The following KLF3 variants were observed in gnomAD, a reference collection of about 807,000 sequenced individuals.
KLF3 encodes Krueppel-like factor 3.
In KLF3, 6 loss-of-function variants were observed where a neutral mutation model predicts 32.7. The observed-to-expected ratio is 0.18, with a 90% CI of 0.10 to 0.36. The LOEUF is 0.36. Ranked by LOEUF, KLF3 falls within the 10% of genes least tolerant of loss-of-function variation. The pLI is 1.00. For missense variants in KLF3, 338 were observed against 449.7 expected (o/e 0.75, Z 2.25); for synonymous variants, 145 against 172.8 (o/e 0.84, Z 1.26).
chr4:38,685,744 C>T (rs1169278326), intron 2 of KLF3, among the ~76,000 whole-genome samples: 1 of 152,170 alleles, frequency 6.6e-6, no homozygotes, highest in Non-Finnish European at 1.5e-5. Flanking sequence ...AATGCTGCCT[C>T]CCATTTCCTA....
intron 4 of KLF3, among the ~76,000 whole-genome samples, chr4:38,692,641 G>GTGC: frequency 6.6e-6 from 1 of 152,276 alleles, no homozygotes; most frequent in East Asian, 1.9e-4. Flanking sequence ...GAGACTGTCA[G>GTGC]TGACAGAGCT....
chr4:38,695,230 C>G (rs535281187), intron 5 of KLF3, among the ~76,000 whole-genome samples: 2 of 152,336 alleles, frequency 1.3e-5, no homozygotes, highest in South Asian at 4.1e-4. Flanking sequence ...AGGATGTGGC[C>G]TTCCTGTGAG....
chr4:38,680,720 T>C, intron 2 of KLF3, 38 bp downstream of exon 2: 1 of 1,479,862 alleles, frequency 6.8e-7, no homozygotes, highest in Non-Finnish European at 9.4e-7. Flanking sequence ...CCTTATTTTT[T>C]CCAAGTGATG....
At chr4:38,678,808 C>T (rs1722428882) in intron 1 of KLF3, among the ~76,000 whole-genome samples, 1 of 152,206 alleles carries the variant, frequency 6.6e-6, no homozygotes, top group African/African-American at 2.4e-5. Flanking sequence ...CACTCTAGAA[C>T]TTGTTCACTT....
In KLF3 at chr4:38,680,572, T is replaced by C. The variant is rs368878079; in HGVS notation, c.-39-15T>C. The C allele has an allele frequency of 7.0e-4, 910 of 1,300,910 alleles. 3 individuals carry two copies. In the African/African-American group the frequency reaches 0.012, roughly 18 times the overall value. 80.6% of individuals were successfully genotyped at this position (1,300,910 alleles called of 1,614,324 possible). A position where few individuals can be genotyped will look rare whatever the true frequency, so the allele number is the denominator to read the frequency against. ...AACCTTGAGACTTAGATGGATACCT[T>C]GTTTTGTTTTCTAGGCCAAACACCA... On this transcript the variant is annotated splice_polypyrimidine_tract_variant and intron_variant, in intron 1 of 5. Coordinates refer to ENST00000261438, the MANE Select transcript of KLF3 (RefSeq NM_016531.6).
At chr4:38,686,937 G>A (rs1461196905) in intron 2 of KLF3, among the ~76,000 whole-genome samples, 2 of 152,204 alleles carry the variant, frequency 1.3e-5, no homozygotes, top group South Asian at 2.1e-4. Context: ...ATAACCAGCC[G>A]AGGATTCGCC....
At chr4:38,667,039 A>C (rs1316654420) in intron 1 of KLF3, among the ~76,000 whole-genome samples, 1 of 152,188 alleles carries the variant, frequency 6.6e-6, no homozygotes, top group East Asian at 1.9e-4. Flanking sequence ...ATATGATAAA[A>C]TCACATTTCA....
chr4:38,675,814 C>G (rs1282168082), intron 1 of KLF3, among the ~76,000 whole-genome samples: 1 of 152,166 alleles, frequency 6.6e-6, no homozygotes, highest in Non-Finnish European at 1.5e-5. Context: ...GTAATAACCC[C>G]AGTGCACTGA....
Position 38,674,926 on chromosome 4 carries a change from AC to A in KLF3, c.-39-5656del, listed in dbSNP as rs1460255497. 1.3e-5 allele frequency among the ~76,000 whole-genome samples: 2 copies of A among 151,932 alleles called. No individual in the cohort carries two copies. Among genetic ancestry groups the A allele is most frequent in the African/African-American group, 4.8e-5 (2 of 41,328 alleles). ...AGCTGCTTTCAGAGGAGGTTTAGTA[AC>A]CCCCTAACCTCGTCTTCCATGAAGG... On this transcript the variant is annotated intron_variant, in intron 1 of 5. Coordinates refer to ENST00000261438, the MANE Select transcript of KLF3 (RefSeq NM_016531.6). The surrounding 1 kb of genome is among the most constrained non-coding windows in gnomAD (Gnocchi z 4.1).
At chr4:38,687,735 C>T (rs1296473299) in intron 2 of KLF3, among the ~76,000 whole-genome samples, 1 of 152,204 alleles carries the variant, frequency 6.6e-6, no homozygotes, top group Non-Finnish European at 1.5e-5. Flanking sequence ...TCCGTGTCAT[C>T]CACAGACTTG....
intron 1 of KLF3, among the ~76,000 whole-genome samples, chr4:38,675,167 G>A (rs914316227): frequency 2.0e-5 from 3 of 152,194 alleles, no homozygotes; most frequent in Non-Finnish European, 4.4e-5. Flanking sequence ...TTTAACATCT[G>A]AAAAGTCAGA....
At chr4:38,673,374 C>T (rs1722255488) in intron 1 of KLF3, among the ~76,000 whole-genome samples, 1 of 152,168 alleles carries the variant, frequency 6.6e-6, no homozygotes, top group African/African-American at 2.4e-5. Flanking sequence ...AGATGAGAGG[C>T]AGTGTGGCCT....
intron 1 of KLF3, among the ~76,000 whole-genome samples, chr4:38,677,630 A>G (rs1279367597): frequency 6.6e-6 from 1 of 152,240 alleles, no homozygotes; most frequent in African/African-American, 2.4e-5. Flanking sequence ...GCAGTGGTAC[A>G]GTTGTGAAGT....
Position 38,701,418 on chromosome 4 carries a change from T to C in KLF3, c.*4155T>C, listed in dbSNP as rs771897982. On this transcript the variant is annotated 3_prime_UTR_variant, in exon 6 of 6. Coordinates refer to ENST00000261438, the MANE Select transcript of KLF3 (RefSeq NM_016531.6). ...TAAAAGACGCATGTGTATAATACTT[T>C]AAACTTTTAGAGTAAAATATCAAGA... is the stretch of plus-strand genomic sequence containing the variant. 1.3e-5 allele frequency among the ~76,000 whole-genome samples: 2 copies of C among 152,232 alleles called. No individual in the cohort carries two copies. The highest frequency in any genetic ancestry group is 2.9e-5 in the Non-Finnish European group (2 of 68,038).
intron 1 of KLF3, among the ~76,000 whole-genome samples, chr4:38,679,107 G>A (rs1164758679): frequency 6.6e-6 from 1 of 152,182 alleles, no homozygotes; most frequent in African/African-American, 2.4e-5. Flanking sequence ...GAAAAAGACA[G>A]GACAGGATCA....
chr4:38,673,617 G>C (rs1478876393), intron 1 of KLF3, among the ~76,000 whole-genome samples: 1 of 152,188 alleles, frequency 6.6e-6, no homozygotes, highest in Non-Finnish European at 1.5e-5. Flanking sequence ...CTCTAAGAAG[G>C]GTGTGGAATG....
rs553313192 is a variant in KLF3 at position 38,688,849 on chromosome 4, T to C, written c.322T>C (p.Ser108Pro). 3 of 1,614,166 alleles carry C rather than the reference T, an allele frequency of 1.9e-6. No homozygotes were observed. The highest frequency in any genetic ancestry group is 2.7e-5 in the African/African-American group (2 of 75,038). Residue 108 changes from serine to proline, a missense_variant, in exon 3 of 6, where the codon TCA (serine) becomes CCA (proline). Coordinates refer to ENST00000261438, the MANE Select transcript of KLF3 (RefSeq NM_016531.6). This position sits in a 1 kb window ranked among gnomAD's most constrained non-coding sequence, Gnocchi z 4.9. ...TTCCAGCCCACCGATAAAAAAATAC[T>C]CACCCCCTTCTCCAGGCGTGCAGCC... The part of the protein sequence containing the change: ...PSSSPPIKKY[S>P]PPSPGVQPFG...
intron 1 of KLF3, among the ~76,000 whole-genome samples, chr4:38,666,428 A>G (rs778829889): frequency 7.5e-5 from 11 of 147,016 alleles, no homozygotes; most frequent in Non-Finnish European, 1.5e-4. Flanking sequence ...TGCACACACC[A>G]CATTCTTAAA....
rs985391597 is a variant in KLF3, at chr4:38,664,281, G to A, written c.-220G>A. On this transcript the variant is annotated 5_prime_UTR_variant, in exon 1 of 6. Coordinates refer to ENST00000261438, the MANE Select transcript of KLF3 (RefSeq NM_016531.6). ...GGAGCCAGGAGCGGAGCCGCGCGGA[G>A]CCGGGGCCCGAGCCGGAGCGCAGCG... The A allele has an allele frequency of 1.2e-4, 18 of 152,048 alleles. No individual in the cohort carries two copies. The highest frequency in any genetic ancestry group is 1.7e-4 in the African/African-American group (7 of 41,410). 9.4% of individuals were successfully genotyped at this position (152,048 alleles called of 1,614,324 possible).
Sources: allele counts gnomAD v4.1 joint callset (sites outside exome capture counted in the v4.1 genomes callset), GRCh38; gene constraint gnomAD v4.1.1; non-coding constraint Gnocchi (gnomAD v3.1); transcripts MANE v1.5; gene names NCBI Gene and HGNC (gene_info 2026-07-23, HGNC 2026-07-21).